GRM4: variants seen among roughly 807,000 people sequenced by gnomAD.
GRM4 encodes metabotropic glutamate receptor 4.
GRM4 carries 28 observed loss-of-function variants against 81.7 expected under a neutral mutation model. That is an observed-to-expected ratio of 0.34 (90% CI 0.25 to 0.47). The LOEUF (loss-of-function observed/expected upper bound fraction) is 0.47, where lower values mean the gene tolerates loss of function less well. GRM4 is among the 20% of genes least tolerant of loss of function. The probability of loss-of-function intolerance (pLI) is 1.00; values close to 1 mark genes in which losing one functional copy is unlikely to be tolerated. For missense variants in GRM4, 948 were observed against 1,290.0 expected (o/e 0.73, Z 4.06); for synonymous variants, 488 against 528.8 (o/e 0.92, Z 1.06).
chr6:34,112,814 A>G (rs974852362), intron 2 of GRM4, among the ~76,000 whole-genome samples: 1 of 152,148 alleles, frequency 6.6e-6, no homozygotes, highest in Non-Finnish European at 1.5e-5. Flanking sequence ...AGATGCCCTC[A>G]CTGCACCTCT....
At position 34,036,525 on chromosome 6, in the gene GRM4, G is replaced by A. The variant is rs1184575220; in HGVS notation, c.1585C>T (p.Arg529Trp). Reference sequence around the variant, plus strand: ...GGCATGCCCTTCACTGTCTTCTTCCGCTCACCCGGTTGGCAGGGCAGGCTG... The same window carrying A: ...GGCATGCCCTTCACTGTCTTCTTCCACTCACCCGGTTGGCAGGGCAGGCTG... The part of the protein sequence containing the change: ...ICSLPCQPGE[R>W]KKTVKGMPCC... Residue 529 changes from arginine to tryptophan, a missense_variant, in exon 9 of 11, where the codon CGG becomes TGG. Physicochemically the swap from Arg to Trp is moderately radical, Grantham distance 101. Transcript: ENST00000538487. This position sits in a 1 kb window ranked among gnomAD's most constrained non-coding sequence, Gnocchi z 9.0. The A allele has an allele frequency of 5.0e-6, 8 of 1,611,136 alleles. No homozygotes were observed. The highest frequency in any genetic ancestry group is 3.3e-5 in the Admixed American group (2 of 59,988).
intron 10 of GRM4, chr6:34,024,600 CAG>C (rs980338420): frequency 2.2e-6 from 1 of 452,108 alleles, no homozygotes; most frequent in African/African-American, 2.0e-5. Context: ...ATGGGGTGAG[CAG>C]AGGGGTCCAC....
chr6:34,140,123 A>C (rs1770620144), intron 1 of GRM4, among the ~76,000 whole-genome samples: 1 of 152,212 alleles, frequency 6.6e-6, no homozygotes, highest in Non-Finnish European at 1.5e-5. Flanking sequence ...AGAAAAGAAT[A>C]ATCAGGGAAG....
chr6:34,125,980 C>T (rs1337467656), intron 2 of GRM4, among the ~76,000 whole-genome samples: 1 of 152,214 alleles, frequency 6.6e-6, no homozygotes, highest in Non-Finnish European at 1.5e-5. Context: ...CCTAGCCTCC[C>T]CTGAGCACCT....
intron 6 of GRM4, among the ~76,000 whole-genome samples, chr6:34,044,396 A>C (rs1765201413): frequency 6.6e-6 from 1 of 151,942 alleles, no homozygotes; most frequent in Non-Finnish European, 1.5e-5. Context: ...ACATACATAC[A>C]TACACATATA....
chr6:34,112,579 G>GT (rs1769430198), intron 2 of GRM4, among the ~76,000 whole-genome samples: 1 of 152,142 alleles, frequency 6.6e-6, no homozygotes, highest in African/African-American at 2.4e-5. Flanking sequence ...AAGGTGGGGA[G>GT]TGTGAGCTTC....
At chr6:34,073,740 C>G (rs1038316804) in intron 3 of GRM4, among the ~76,000 whole-genome samples, 15 of 152,170 alleles carry the variant, frequency 9.9e-5, no homozygotes, top group Admixed American at 9.8e-4. Context: ...TGAGAAACGC[C>G]TCCTTGCTGA....
Position 34,122,366 on chromosome 6 carries a change from T to A in GRM4, c.519+10612A>T, listed in dbSNP as rs911465455. Among the ~76,000 whole-genome samples, 7 of 152,026 alleles carry A rather than the reference T, an allele frequency of 4.6e-5. No homozygotes were observed. The South Asian group carries it at 8.3e-4, about 18-fold the overall frequency. ...GACAGGGAAAGAGGGGACAAAACTG[T>A]GTTCCGGCTCCCCTCCCCGCAACAG... On this transcript the variant is annotated intron_variant, in intron 2 of 10. Transcript: ENST00000538487.
chr6:34,037,665 C>T (rs1282569377), intron 8 of GRM4, among the ~76,000 whole-genome samples: 2 of 151,994 alleles, frequency 1.3e-5, no homozygotes, highest in Non-Finnish European at 2.9e-5. Context: ...GAGATCGAGA[C>T]CAGCCTGGCC....
chr6:34,107,066 A>G (rs1769161119), intron 2 of GRM4, among the ~76,000 whole-genome samples: 1 of 152,200 alleles, frequency 6.6e-6, no homozygotes, highest in Non-Finnish European at 1.5e-5. Context: ...CACGGCCTCC[A>G]TGGCCCTAGG....
In GRM4 at chr6:34,064,775, G is replaced by A. The variant is rs115590939; in HGVS notation, c.737-2747C>T. On this transcript the variant is annotated intron_variant, in intron 3 of 10. Coordinates refer to ENST00000538487, the MANE Select transcript of GRM4 (RefSeq NM_000841.4). The surrounding 1 kb of genome is among the most constrained non-coding windows in gnomAD (Gnocchi z 4.4). ...CAGAGAAGACCAGAGCGGCCCGAGA[G>A]GCCACTGAGCACCCCCTGCATGCCT... Among the ~76,000 whole-genome samples the A allele has an allele frequency of 1.4e-3, 220 of 152,284 alleles. 1 individual carries two copies. The highest frequency in any genetic ancestry group is 4.4e-3 in the African/African-American group (184 of 41,550).
At chr6:34,082,784 C>T (rs80101262) in intron 3 of GRM4, among the ~76,000 whole-genome samples, 4,366 of 152,364 alleles carry the variant, frequency 0.029, 83 homozygotes, top group Middle Eastern at 0.065. Flanking sequence ...ATTACTATCC[C>T]TGTTTGACAA....
chr6:34,104,824 G>A (rs1211583249), intron 2 of GRM4, among the ~76,000 whole-genome samples: 2 of 152,284 alleles, frequency 1.3e-5, no homozygotes, highest in Middle Eastern at 3.4e-3. Context: ...CTGCACTGAC[G>A]GGTAAGGACA....
chr6:34,027,051 A>G (rs6901878), intron 10 of GRM4, among the ~76,000 whole-genome samples: 5,845 of 152,178 alleles, frequency 0.038, 187 homozygotes, highest in African/African-American at 0.084. Flanking sequence ...TGGGAGTCCC[A>G]TGGGCCCCTC....
chr6:34,127,733 C>T (rs1470165210), intron 2 of GRM4, among the ~76,000 whole-genome samples: 1 of 152,102 alleles, frequency 6.6e-6, no homozygotes, highest in Non-Finnish European at 1.5e-5. Flanking sequence ...GAAAGTGGAG[C>T]CTGCAGGGTG....
chr6:34,145,341 C>T (rs1770883244), intron 1 of GRM4, among the ~76,000 whole-genome samples: 1 of 152,060 alleles, frequency 6.6e-6, no homozygotes, highest in Non-Finnish European at 1.5e-5. Flanking sequence ...CTCCGGCAAG[C>T]GAGCAAGCGA....
At chr6:34,029,138 T>A (rs528575515) in intron 9 of GRM4, among the ~76,000 whole-genome samples, 21 of 152,238 alleles carry the variant, frequency 1.4e-4, no homozygotes, top group Middle Eastern at 6.8e-3. Context: ...TTCCTTCGGG[T>A]CCTCCAGGCC....
rs1768293502 is a variant in GRM4, at chr6:34,092,590, C to G, written c.520-491G>C. On this transcript the variant is annotated intron_variant, in intron 2 of 10. Transcript: ENST00000538487. This position sits in a 1 kb window ranked among gnomAD's most constrained non-coding sequence, Gnocchi z 6.8. ...TCAGCCTCCTTCCTCGTGCCCTGCT[C>G]AGAGGAGATGGAGCCTCGATTCCAG... Among the ~76,000 whole-genome samples, 1 of 152,094 alleles carries G rather than the reference C, an allele frequency of 6.6e-6. No individual in the cohort carries two copies. Among genetic ancestry groups the G allele is most frequent in the African/African-American group, 2.4e-5 (1 of 41,408 alleles).
At chr6:34,119,472 G>A (rs1311200043) in intron 2 of GRM4, among the ~76,000 whole-genome samples, 1 of 152,178 alleles carries the variant, frequency 6.6e-6, no homozygotes, top group East Asian at 1.9e-4. Context: ...TCAGCCACAG[G>A]GCCTCCTTCT....
Sources: gnomAD v4.1 joint callset for allele counts (sites outside exome capture counted in the v4.1 genomes callset) on GRCh38, gnomAD v4.1.1 for gene constraint, Gnocchi (gnomAD v3.1) non-coding constraint, MANE v1.5 for transcripts, NCBI Gene and HGNC (gene_info 2026-07-23, HGNC 2026-07-21) for gene names.